Variants in NEB observed in about 807,000 individuals in gnomAD.
The protein encoded by NEB is nebulin.
In NEB, 512 loss-of-function variants were observed where a neutral mutation model predicts 952.2. The ratio of observed to expected loss-of-function variants is 0.54; its 90% CI spans 0.50 to 0.58. NEB has a LOEUF of 0.58. Among genes scored for constraint, NEB ranks in the 20% least tolerant of loss-of-function variants. NEB has a pLI of 0.00. For synonymous variants in NEB, 2,900 were observed against 3,149.8 expected (o/e 0.92, Z 2.66); for missense variants, 8,428 against 9,231.1 (o/e 0.91, Z 3.56).
At chr2:151,698,901 G>C (rs373197639) in intron 13 of NEB, among the ~76,000 whole-genome samples, 442 of 140,676 alleles carry the variant, frequency 3.1e-3, no homozygotes, top group East Asian at 9.0e-3. Context: ...TAAGTTTTAG[G>C]GTACATGTGC....
chr2:151,516,891 A>G (rs1191791524), intron 156 of NEB, among the ~76,000 whole-genome samples: 16 of 152,244 alleles, frequency 1.1e-4, no homozygotes, highest in Admixed American at 9.8e-4. Flanking sequence ...AGGTTGGTCA[A>G]TAATTGATGG....
chr2:151,565,462 C>T, intron 116 of NEB, 39 bp downstream of exon 116: 1 of 1,323,242 alleles, frequency 7.6e-7, no homozygotes, highest in African/African-American at 1.4e-5. Flanking sequence ...CAATTTACTC[C>T]CCAGTCTGTG....
chr2:151,606,601 C>T lies in NEB; in HGVS notation c.12747+5G>A, dbSNP rs1251007091. 8.1e-6 allele frequency: 6 copies of T among 737,180 alleles called. 1 individual carries two copies. The highest frequency in any genetic ancestry group is 1.2e-5 in the Non-Finnish European group (6 of 482,570). 45.7% of individuals were successfully genotyped at this position (737,180 alleles called of 1,614,324 possible). A position where few individuals can be genotyped will look rare whatever the true frequency, so the allele number is the denominator to read the frequency against. ...AAAACCACAAGAAAAGAGAAGGAAG[C>T]GTACCTCACTGGCAATTTCTCTGGA... is the stretch of plus-strand genomic sequence containing the variant. On this transcript the variant is annotated splice_donor_5th_base_variant and intron_variant, in intron 84 of 181. Transcript: ENST00000397345.
At chr2:151,615,666 A>C (rs2098168377) in intron 76 of NEB, among the ~76,000 whole-genome samples, 1 of 152,202 alleles carries the variant, frequency 6.6e-6, no homozygotes, top group African/African-American at 2.4e-5. Flanking sequence ...CTTTAATTTC[A>C]CAAACATCTA....
At chr2:151,733,316 G>A in intron 2 of NEB, 131 bp from the exon 3 acceptor site, 1 of 641,116 alleles carries the variant, frequency 1.6e-6, no homozygotes, top group Non-Finnish European at 2.6e-6. Flanking sequence ...CAGGCTAAAG[G>A]AGAGAAGACA....
Position 151,567,570 on chromosome 2 carries a change from T to C in NEB, c.17845-91A>G, listed in dbSNP as rs2096459689. On this transcript the variant is annotated intron_variant, in intron 113 of 181. Transcript: ENST00000397345. ...CATCTACTAAGGGATATCAGCAAAT[T>C]CAGCCCCCCAGCTTTTTGTTTGACA... The C allele has an allele frequency of 6.5e-6, 8 of 1,232,210 alleles. No individual in the cohort carries two copies. In the South Asian group the frequency reaches 1.5e-4, roughly 23 times the overall value. The allele number at this position is 1,232,210 out of a possible 1,614,324, so 76.3% of individuals were successfully genotyped here.
At chr2:151,497,903 G>A (rs1249143874) in intron 170 of NEB, 185 bp from the exon 171 acceptor site, 2 of 1,479,758 alleles carry the variant, frequency 1.4e-6, no homozygotes, top group Non-Finnish European at 1.8e-6. Context: ...TAGAGAAGCA[G>A]GGACTTCAGC....
rs772209536 is a variant in NEB at position 151,563,659 on chromosome 2, C to T, written c.18640G>A (p.Gly6214Ser). The change falls in exon 119 of 182, where the codon GGT becomes AGT. Residue 6214 changes from glycine (G) to serine (S), a missense_variant. This residue lies in a region of NEB where 3,374 missense variants were observed against 3,651.5 expected (regional missense o/e 0.92). Transcript: ENST00000397345. ...KGHYLAGKVI[G>S]EFPGVVHCLD... is the part of the protein sequence containing the mutation. Reference sequence around the variant, plus strand: ...CAGTGAACCACACCAGGGAATTCACCGATCACTTTTCCAGCCAGGTAGTGA... The same window carrying T: ...CAGTGAACCACACCAGGGAATTCACTGATCACTTTTCCAGCCAGGTAGTGA... The T allele has an allele frequency of 1.9e-6, 3 of 1,613,810 alleles. No homozygotes were observed. The highest frequency in any genetic ancestry group is 4.5e-5 in the East Asian group (2 of 44,876).
chr2:151,677,733 G>C lies in NEB; in HGVS notation c.3606C>G (p.Gly1202=). ...GACTGCCAATAGGAATCCAGCCAAT[G>C]CCTTTCATCCAGTTGTTGTAGTCTT... The part of the protein sequence containing the change: ...YKEDYNNWMK[G]IGWIPIGSLD... The change falls in exon 34 of 182, where the codon GGC becomes GGG. Residue 1202 remains glycine (G), a synonymous_variant. Transcript: ENST00000397345. 9 of 1,613,980 alleles carry C rather than the reference G, an allele frequency of 5.6e-6. No individual in the cohort carries two copies. Among genetic ancestry groups the C allele is most frequent in the Non-Finnish European group, 7.6e-6 (9 of 1,179,872 alleles).
chr2:151,516,670 T>C, intron 156 of NEB, 107 bp from the exon 157 acceptor site: 2 of 746,262 alleles, frequency 2.7e-6, no homozygotes, highest in Non-Finnish European at 4.7e-6. Context: ...GGATGGCATC[T>C]CATTGCCACT....
intron 107 of NEB, among the ~76,000 whole-genome samples, chr2:151,571,182 T>C (rs1026276639): frequency 2.0e-5 from 3 of 152,180 alleles, no homozygotes; most frequent in African/African-American, 7.2e-5. Context: ...ATTTTGTATT[T>C]TTAGTAGAGA....
chr2:151,678,174 T>G lies in NEB; in HGVS notation c.3269A>C (p.Lys1090Thr). The stretch of plus-strand genomic sequence containing the variant: ...TTTCCCTTTAGCCTTTTCATAGTCT[T>G]TTTTGTACTGAACCTATTGTAAACA... The part of the protein sequence containing the change: ...RQAASDVQYK[K>T]DYEKAKGKMV... Residue 1090 changes from lysine (K) to threonine (T), a missense_variant, in exon 33 of 182, where the codon AAA becomes ACA. Physicochemically the swap from Lys to Thr is moderately conservative, Grantham distance 78 (BLOSUM62 -1). Around this residue, in one of 11 missense-constraint regions of NEB, gnomAD observed 2,851 missense variants for 2,791.5 expected, o/e 1.02. Transcript: ENST00000397345. 6.2e-7 allele frequency: 1 copy of G among 1,604,746 alleles called. No individual in the cohort carries two copies. The highest frequency in any genetic ancestry group is 1.7e-4 in the Middle Eastern group (1 of 6,000).
At position 151,733,938 on chromosome 2, in the gene NEB, T is replaced by C. The variant is rs1198829628; in HGVS notation, c.-113-143A>G. 4 of 152,136 alleles carry C rather than the reference T, an allele frequency of 2.6e-5. No homozygotes were observed. The East Asian group carries it at 7.7e-4, about 29-fold the overall frequency. The allele number at this position is 152,136 out of a possible 1,614,324, so 9.4% of individuals were successfully genotyped here. On this transcript the variant is annotated intron_variant, in intron 1 of 181. Coordinates refer to ENST00000397345, the MANE Select transcript of NEB (RefSeq NM_001164508.2). Reference sequence around the variant, plus strand: ...ACGCCAGAGAGTAAGACTCTTGATATGAAGTGGATGATGAGTTGGAACAGC... The same window carrying C: ...ACGCCAGAGAGTAAGACTCTTGATACGAAGTGGATGATGAGTTGGAACAGC...
chr2:151,549,621 G>A lies in NEB; in HGVS notation c.20049+15C>T, dbSNP rs747465260. On this transcript the variant is annotated intron_variant, in intron 130 of 181. Coordinates refer to ENST00000397345, the MANE Select transcript of NEB (RefSeq NM_001164508.2). ...CCACCTTCAGACCCATCTCAATGAG[G>A]AGGAGACCACTCACATAACTGCTCA... is the stretch of plus-strand genomic sequence containing the variant. 6.5e-7 allele frequency: 1 copy of A among 1,532,170 alleles called. No homozygotes were observed. Among genetic ancestry groups the A allele is most frequent in the East Asian group, 2.3e-5 (1 of 43,248 alleles). The allele number at this position is 1,532,170 out of a possible 1,614,324, so 94.9% of individuals were successfully genotyped here. A position where few individuals can be genotyped will look rare whatever the true frequency, so the allele number is the denominator to read the frequency against.
chr2:151,644,356 T>G lies in NEB; in HGVS notation c.7644+112A>C, dbSNP rs986079570. The G allele has an allele frequency of 5.6e-5, 64 of 1,136,696 alleles. 1 individual carries two copies. The Admixed American group carries it at 9.8e-4, about 17-fold the overall frequency. 70.4% of individuals were successfully genotyped at this position (1,136,696 alleles called of 1,614,324 possible). A position where few individuals can be genotyped will look rare whatever the true frequency, so the allele number is the denominator to read the frequency against. On this transcript the variant is annotated intron_variant, in intron 56 of 181. Coordinates refer to ENST00000397345, the MANE Select transcript of NEB (RefSeq NM_001164508.2). ...TCCCACACTGCATGGGATCATTTTA[T>G]TCCACTGTAATTTGTTACCCCTTAG...
intron 141 of NEB, among the ~76,000 whole-genome samples, chr2:151,536,821 T>C (rs1454186711): frequency 6.6e-6 from 1 of 152,194 alleles, no homozygotes; most frequent in Non-Finnish European, 1.5e-5. Context: ...TAATCCCACT[T>C]TATATTGGCT....
At position 151,570,514 on chromosome 2, in the gene NEB, T is replaced by C. The variant is rs1332674015; in HGVS notation, c.17101A>G (p.Arg5701Gly). 5 of 1,610,620 alleles carry C rather than the reference T, an allele frequency of 3.1e-6. No homozygotes were observed. In the African/African-American group the frequency reaches 5.4e-5, roughly 17 times the overall value. ...CCACTCACGTCACTGGCAATCTCCCTGGAGGCCTTGGCAGCCTGGATGGGG... is the reference window on the plus strand; with the variant it reads ...CCACTCACGTCACTGGCAATCTCCCCGGAGGCCTTGGCAGCCTGGATGGGG... ...AIPIQAAKAS[R>G]EIASDYKYKL... The change falls in exon 108 of 182, where the codon AGG (arginine) becomes GGG (glycine). Residue 5701 changes from arginine (R) to glycine (G), a missense_variant. This residue lies in a region of NEB where 3,374 missense variants were observed against 3,651.5 expected (regional missense o/e 0.92). Transcript: ENST00000397345.
chr2:151,649,729 C>CA (rs1358975893), intron 54 of NEB, among the ~76,000 whole-genome samples: 2 of 152,136 alleles, frequency 1.3e-5, no homozygotes, highest in African/African-American at 4.8e-5. Context: ...TACTTATTTA[C>CA]AGTGACAGAA....
intron 54 of NEB, among the ~76,000 whole-genome samples, chr2:151,649,266 T>G (rs1398454812): frequency 6.6e-6 from 1 of 152,182 alleles, no homozygotes; most frequent in Non-Finnish European, 1.5e-5. Context: ...GAAATCAGCA[T>G]TATAAAAAGT....
Sources: allele counts gnomAD v4.1 joint callset (sites outside exome capture counted in the v4.1 genomes callset), GRCh38; gene constraint gnomAD v4.1.1; regional missense constraint gnomAD v4.1.1; transcripts MANE v1.5; gene names NCBI Gene and HGNC (gene_info 2026-07-23, HGNC 2026-07-21).